FSTL5: variants seen among roughly 807,000 people sequenced by gnomAD.
FSTL5 encodes the protein follistatin-related protein 5.
FSTL5 carries 62 observed loss-of-function variants against 89.1 expected under a neutral mutation model. That is an observed-to-expected ratio of 0.70 (90% confidence interval 0.57 to 0.86). The LOEUF (loss-of-function observed/expected upper bound fraction) is 0.86, where lower values mean the gene tolerates loss of function less well. FSTL5 is among the 40% of genes least tolerant of loss of function. The pLI is 0.00. For synonymous variants in FSTL5, 383 were observed against 346.2 expected, an observed-to-expected ratio of 1.11 and a Z score of -1.18; for missense variants, 1,057 against 1,001.6, an observed-to-expected ratio of 1.06 and a Z score of -0.75.
At chr4:161,829,197 T>C (rs1178856129) in intron 4 of FSTL5, among the ~76,000 whole-genome samples, 5 of 148,108 alleles carry the variant, frequency 3.4e-5, no homozygotes, top group Non-Finnish European at 7.4e-5. Flanking sequence ...TTAAATATAG[T>C]CTATGTTATA....
At chr4:161,553,816 T>C (rs1258724193) in intron 8 of FSTL5, among the ~76,000 whole-genome samples, 1 of 151,562 alleles carries the variant, frequency 6.6e-6, no homozygotes, top group Non-Finnish European at 1.5e-5. Flanking sequence ...GCATTTATAG[T>C]ATTTCAGAGC....
intron 8 of FSTL5, among the ~76,000 whole-genome samples, chr4:161,567,962 A>G (rs182680985): frequency 6.6e-6 from 1 of 152,032 alleles, no homozygotes; most frequent in Non-Finnish European, 1.5e-5. Flanking sequence ...AAGATTGAGC[A>G]CATGGAACTC....
At chr4:161,858,854 TA>T (rs1731807850) in intron 4 of FSTL5, among the ~76,000 whole-genome samples, 1 of 152,206 alleles carries the variant, frequency 6.6e-6, no homozygotes, top group South Asian at 2.1e-4. Flanking sequence ...AAACTTTTGT[TA>T]AACCCCATTC....
intron 6 of FSTL5, among the ~76,000 whole-genome samples, chr4:161,744,831 G>T (rs1740140886): frequency 6.6e-6 from 1 of 151,934 alleles, no homozygotes; most frequent in Non-Finnish European, 1.5e-5. Context: ...TATTTATGTG[G>T]TGACAGTTAC....
At chr4:161,497,973 T>C (rs1212688624) in intron 12 of FSTL5, among the ~76,000 whole-genome samples, 1 of 151,766 alleles carries the variant, frequency 6.6e-6, no homozygotes. Flanking sequence ...ATTAATATAT[T>C]ATGTATATTT....
At chr4:161,574,610 G>A (rs1733147529) in intron 8 of FSTL5, among the ~76,000 whole-genome samples, 1 of 152,102 alleles carries the variant, frequency 6.6e-6, no homozygotes, top group Admixed American at 6.6e-5. Flanking sequence ...AGAACATACG[G>A]TGTTTGGTTT....
At chr4:161,476,891 G>A (rs1038299139) in intron 13 of FSTL5, among the ~76,000 whole-genome samples, 1 of 152,098 alleles carries the variant, frequency 6.6e-6, no homozygotes, top group African/African-American at 2.4e-5. Flanking sequence ...CAAATGTAAA[G>A]GACAGCATCA....
intron 10 of FSTL5, among the ~76,000 whole-genome samples, chr4:161,527,910 G>C (rs1388285856): frequency 4.7e-5 from 7 of 149,648 alleles, no homozygotes; most frequent in African/African-American, 1.5e-4. Context: ...GTCCAACAAT[G>C]ATAGACTGGA....
chr4:161,617,315 A>C lies in FSTL5; in HGVS notation c.895-29740T>G, dbSNP rs773724003. ...GTAAACATCAAGGTAGACAAATAGAAATTATGCCACAAATAAATTATTCTT... is the reference window on the plus strand; with the variant it reads ...GTAAACATCAAGGTAGACAAATAGACATTATGCCACAAATAAATTATTCTT... On this transcript the variant is annotated intron_variant, in intron 7 of 15. Transcript: ENST00000306100. 4.9e-4 allele frequency among the ~76,000 whole-genome samples: 74 copies of C among 152,126 alleles called. 1 individual carries two copies. The highest frequency in any genetic ancestry group is 1.6e-4 in the Non-Finnish European group (11 of 68,014).
chr4:161,628,814 T>C (rs183794051), intron 7 of FSTL5, among the ~76,000 whole-genome samples: 2 of 152,274 alleles, frequency 1.3e-5, no homozygotes, highest in Admixed American at 1.3e-4. Flanking sequence ...AGACTACTAA[T>C]GGACAGCCAT....
At chr4:161,780,007 A>G (rs1422192800) in intron 4 of FSTL5, among the ~76,000 whole-genome samples, 1 of 148,660 alleles carries the variant, frequency 6.7e-6, no homozygotes, top group East Asian at 2.0e-4. Context: ...GAGTGTGATG[A>G]AATGTAAAAC....
At chr4:161,891,924 A>G (rs908697908) in intron 4 of FSTL5, among the ~76,000 whole-genome samples, 10 of 152,068 alleles carry the variant, frequency 6.6e-5, no homozygotes, top group Non-Finnish European at 1.3e-4. Flanking sequence ...TGAGGCTTAT[A>G]TTAGTCTTTC....
At chr4:161,877,456 T>C (rs888701257) in intron 4 of FSTL5, among the ~76,000 whole-genome samples, 6 of 151,428 alleles carry the variant, frequency 4.0e-5, no homozygotes, top group African/African-American at 9.7e-5. Context: ...TGGAAAAATA[T>C]TTTAACTATT....
chr4:161,785,842 T>C (rs1166053625), intron 4 of FSTL5, among the ~76,000 whole-genome samples: 1 of 152,158 alleles, frequency 6.6e-6, no homozygotes, highest in Non-Finnish European at 1.5e-5. Flanking sequence ...AACATAATTA[T>C]ATATTTTTTT....
intron 6 of FSTL5, among the ~76,000 whole-genome samples, chr4:161,670,676 G>A (rs1737066820): frequency 6.6e-6 from 1 of 152,184 alleles, no homozygotes; most frequent in Admixed American, 6.5e-5. Flanking sequence ...TCACTACGAA[G>A]TTTTACAGTG....
intron 2 of FSTL5, among the ~76,000 whole-genome samples, chr4:162,044,784 A>G (rs1057169093): frequency 6.6e-6 from 1 of 152,192 alleles, no homozygotes; most frequent in Admixed American, 6.6e-5. Flanking sequence ...CTCTTATATT[A>G]TAGAGACAGC....
chr4:161,516,757 ACAAT>A, intron 10 of FSTL5, among the ~76,000 whole-genome samples: 1 of 135,494 alleles, frequency 7.4e-6, no homozygotes, highest in Admixed American at 7.6e-5. Flanking sequence ...ACACACACAC[ACAAT>A]TTTTTTTTCC....
At chr4:161,631,557 C>T (rs1224955254) in intron 7 of FSTL5, among the ~76,000 whole-genome samples, 1 of 152,184 alleles carries the variant, frequency 6.6e-6, no homozygotes, top group Non-Finnish European at 1.5e-5. Flanking sequence ...GCAGAGGTTG[C>T]AGTGAGCCTA....
chr4:161,393,031 C>T (rs1284585355), intron 15 of FSTL5, among the ~76,000 whole-genome samples: 2 of 151,604 alleles, frequency 1.3e-5, no homozygotes, highest in Admixed American at 6.6e-5. Flanking sequence ...AGGTATGGTG[C>T]CATGCATCTG....
Sources: gnomAD v4.1 joint callset for allele counts (sites outside exome capture counted in the v4.1 genomes callset) on GRCh38, gnomAD v4.1.1 for gene constraint, MANE v1.5 for transcripts, NCBI Gene and HGNC (gene_info 2026-07-23, HGNC 2026-07-21) for gene names.